Variants in PAMR1 observed in about 807,000 individuals in gnomAD.
PAMR1 encodes inactive serine protease PAMR1.
Under a neutral mutation model 81.8 loss-of-function variants are expected in PAMR1, and 88 were observed. That is an observed-to-expected ratio of 1.08 (90% confidence interval 0.91 to 1.28). PAMR1 has a LOEUF of 1.28. Ranked by LOEUF, PAMR1 falls within the 50% of genes most tolerant of loss-of-function variation. The pLI, the probability that PAMR1 is intolerant of heterozygous loss-of-function variation, is 0.00. For synonymous variants in PAMR1, 336 were observed against 345.3 expected, an observed-to-expected ratio of 0.97 and a Z score of 0.30; for missense variants, 935 against 919.7, an observed-to-expected ratio of 1.02 and a Z score of -0.21.
chr11:35,439,683 T>C lies in PAMR1; in HGVS notation c.1044A>G (p.Glu348=), dbSNP rs1252512652. ...TTCTCACCAGGTCTGAAATCTTTGG[T>C]TCTCGGCAGGCTAGAAATAAAAAAG... The part of the protein sequence containing the change: ...KQPICIKACR[E]PKISDLVRRR... The change falls in exon 8 of 11, where the codon GAA becomes GAG. Residue 348 remains glutamate (E), a synonymous_variant. Coordinates refer to ENST00000619888, the MANE Select transcript of PAMR1 (RefSeq NM_001001991.3). The C allele has an allele frequency of 4.3e-6, 7 of 1,613,606 alleles. No individual in the cohort carries two copies. The highest frequency in any genetic ancestry group is 2.2e-5 in the South Asian group (2 of 91,076).
intron 1 of PAMR1, among the ~76,000 whole-genome samples, chr11:35,516,041 T>G (rs1851157040): frequency 6.6e-6 from 1 of 152,178 alleles, no homozygotes; most frequent in Non-Finnish European, 1.5e-5. Flanking sequence ...CAACTTTAAT[T>G]TCTCAAGTAT....
intron 6 of PAMR1, among the ~76,000 whole-genome samples, chr11:35,459,466 CT>C (rs1172417953): frequency 1.3e-5 from 2 of 152,178 alleles, no homozygotes; most frequent in Non-Finnish European, 2.9e-5. Context: ...AAGATTTCTG[CT>C]TCAGCTCCTT....
At chr11:35,449,612 C>T (rs982046450) in intron 6 of PAMR1, among the ~76,000 whole-genome samples, 1 of 152,202 alleles carries the variant, frequency 6.6e-6, no homozygotes, top group Non-Finnish European at 1.5e-5. Context: ...ATGGCTGCCT[C>T]CCCTCCCCCT....
chr11:35,432,835 C>A lies in PAMR1; in HGVS notation c.1684G>T (p.Ala562Ser). The A allele has an allele frequency of 6.2e-7, 1 of 1,601,780 alleles. No individual in the cohort carries two copies. The highest frequency in any genetic ancestry group is 8.5e-7 in the Non-Finnish European group (1 of 1,179,396). Residue 562 changes from alanine to serine, a missense_variant, in exon 11 of 11, where the codon GCC becomes TCC. Coordinates refer to ENST00000619888, the MANE Select transcript of PAMR1 (RefSeq NM_001001991.3). Reference protein sequence around the residue: ...YDPILLDADIAILKLLDKARI... With the variant: ...YDPILLDADISILKLLDKARI... ...GCCTTGTCTAGGAGCTTCAGGATGGCGATGTCAGCATCAAGCAGGATGGGG... is the reference window on the plus strand; with the variant it reads ...GCCTTGTCTAGGAGCTTCAGGATGGAGATGTCAGCATCAAGCAGGATGGGG...
chr11:35,439,428 C>T (rs774217413), intron 8 of PAMR1, among the ~76,000 whole-genome samples, 199 bp downstream of exon 8: 5 of 152,234 alleles, frequency 3.3e-5, no homozygotes, highest in Non-Finnish European at 7.3e-5. Flanking sequence ...CATCTTCCAA[C>T]AGTTGCTACC....
At chr11:35,445,527 A>G (rs1856272005) in intron 6 of PAMR1, among the ~76,000 whole-genome samples, 1 of 152,138 alleles carries the variant, frequency 6.6e-6, no homozygotes, top group Middle Eastern at 3.2e-3. Flanking sequence ...TACCTAGTTT[A>G]TTGAGAGTTT....
chr11:35,489,516 A>G lies in PAMR1; in HGVS notation c.379+2529T>C, dbSNP rs146273006. Among the ~76,000 whole-genome samples the G allele has an allele frequency of 3.1e-3, 471 of 152,290 alleles. 1 individual carries two copies. The highest frequency in any genetic ancestry group is 0.01 in the African/African-American group (428 of 41,552). Reference sequence around the variant, plus strand: ...TCCTCCACTCCAGCGGAGTTATGCTACAAGAGTTATCTGTCAAATGGTACT... The same window carrying G: ...TCCTCCACTCCAGCGGAGTTATGCTGCAAGAGTTATCTGTCAAATGGTACT... On this transcript the variant is annotated intron_variant, in intron 3 of 10. Coordinates refer to ENST00000619888, the MANE Select transcript of PAMR1 (RefSeq NM_001001991.3).
intron 6 of PAMR1, 112 bp downstream of exon 6, chr11:35,467,889 T>C (rs1856783874): frequency 3.0e-6 from 2 of 658,514 alleles, no homozygotes; most frequent in South Asian, 3.8e-5. Flanking sequence ...CTGTGCACCA[T>C]CTTGGACAGA....
chr11:35,452,099 T>C (rs1856431944), intron 6 of PAMR1, among the ~76,000 whole-genome samples: 1 of 152,108 alleles, frequency 6.6e-6, no homozygotes, highest in Non-Finnish European at 1.5e-5. Flanking sequence ...TATCTAACAC[T>C]ACTCAAAAAT....
At chr11:35,485,864 GAAAGGATC>G (rs1419768060) in intron 3 of PAMR1, among the ~76,000 whole-genome samples, 1 of 152,200 alleles carries the variant, frequency 6.6e-6, no homozygotes, top group African/African-American at 2.4e-5. Context: ...AACGTTGTCT[GAAAGGATC>G]GCTTGGGCGC....
intron 6 of PAMR1, among the ~76,000 whole-genome samples, chr11:35,455,117 C>A (rs558280578): frequency 6.6e-6 from 1 of 152,300 alleles, no homozygotes; most frequent in Non-Finnish European, 1.5e-5. Flanking sequence ...AAGTGACATC[C>A]TTTTCTCACC....
rs529460255 is a variant in PAMR1, at chr11:35,436,641, C to A, written c.1101-506G>T. Among the ~76,000 whole-genome samples the A allele has an allele frequency of 1.6e-3, 227 of 143,426 alleles. 1 individual carries two copies. Among genetic ancestry groups the A allele is most frequent in the Non-Finnish European group, 2.7e-4 (18 of 66,138 alleles). 94.1% of individuals were successfully genotyped at this position (143,426 alleles called of 152,430 possible). On this transcript the variant is annotated intron_variant, in intron 8 of 10. Coordinates refer to ENST00000619888, the MANE Select transcript of PAMR1 (RefSeq NM_001001991.3). ...TTTCTCTCTTTCTGTCTCTCTGTTT[C>A]TCTCTCTCTCTCTGTCACACACACA...
At chr11:35,528,180 TAAG>T (rs544494615), upstream of PAMR1, among the ~76,000 whole-genome samples, 24 of 152,292 alleles carry the variant, frequency 1.6e-4, no homozygotes, top group East Asian at 4.4e-3. Context: ...TGAAAGCAGT[TAAG>T]AAGAAGTAGA....
At chr11:35,468,321 G>A (rs1452882722) in intron 5 of PAMR1, among the ~76,000 whole-genome samples, 3 of 152,080 alleles carry the variant, frequency 2.0e-5, no homozygotes, top group Non-Finnish European at 2.9e-5. Context: ...ATGTTTTTGA[G>A]GGCCCCAGAA....
chr11:35,505,269 A>T (rs1446537519), intron 1 of PAMR1, among the ~76,000 whole-genome samples: 1 of 152,106 alleles, frequency 6.6e-6, no homozygotes, highest in African/African-American at 2.4e-5. Flanking sequence ...TTTATGGTCT[A>T]TTCTGGAGAC....
chr11:35,487,929 C>T (rs1470816759), intron 3 of PAMR1, among the ~76,000 whole-genome samples: 1 of 152,154 alleles, frequency 6.6e-6, no homozygotes, highest in Non-Finnish European at 1.5e-5. Context: ...ATAAAGTGCT[C>T]AGCACAGTTC....
At chr11:35,513,305 A>C (rs1851106322) in intron 1 of PAMR1, 2 of 152,224 alleles carry the variant, frequency 1.3e-5, no homozygotes, top group Admixed American at 1.3e-4. Flanking sequence ...ACCCTATAGC[A>C]TAGGGACAAT....
chr11:35,501,285 C>G (rs2135408491), intron 1 of PAMR1, among the ~76,000 whole-genome samples: 2 of 152,042 alleles, frequency 1.3e-5, no homozygotes, highest in Middle Eastern at 3.4e-3. Context: ...CATGTGCCAC[C>G]AGGCCCAGCT....
At chr11:35,436,306 G>A in intron 8 of PAMR1, 171 bp from the exon 9 acceptor site, 1 of 589,432 alleles carries the variant, frequency 1.7e-6, no homozygotes, top group Non-Finnish European at 3.0e-6. Context: ...TTGAGGCAGG[G>A]TCTCCCTCTG....
Sources: gnomAD v4.1 joint callset for allele counts (sites outside exome capture counted in the v4.1 genomes callset) on GRCh38, gnomAD v4.1.1 for gene constraint, MANE v1.5 for transcripts, NCBI Gene and HGNC (gene_info 2026-07-23, HGNC 2026-07-21) for gene names.